The following NDST4 variants were observed in gnomAD, a reference collection of about 807,000 sequenced individuals.
NDST4 encodes the protein N-deacetylase and N-sulfotransferase 4, also known as N-heparan sulfate sulfotransferase 4.
Under a neutral mutation model 100.8 loss-of-function variants are expected in NDST4, and 63 were observed. That is an observed-to-expected ratio of 0.62 (90% CI 0.51 to 0.77). The LOEUF (loss-of-function observed/expected upper bound fraction) is 0.77, where lower values mean the gene tolerates loss of function less well. Ranked by LOEUF, NDST4 falls within the 30% of genes least tolerant of loss-of-function variation. The pLI, the probability that NDST4 is intolerant of heterozygous loss-of-function variation, is 0.00. For missense variants in NDST4, 943 were observed against 1,018.4 expected (o/e 0.93, Z 1.01); for synonymous variants, 377 against 361.8 (o/e 1.04, Z -0.48).
intron 2 of NDST4, among the ~76,000 whole-genome samples, chr4:114,995,654 T>G (rs1364292258): frequency 6.6e-6 from 1 of 152,132 alleles, no homozygotes; most frequent in Admixed American, 6.6e-5. Context: ...CAAAATGATC[T>G]TCCCAATTAT....
rs10555403 is a variant in NDST4, at chr4:114,927,216, TTGTGTGTGTG to T, written c.1536+7980_1536+7989del. On this transcript the variant is annotated intron_variant, in intron 6 of 13. Coordinates refer to ENST00000264363, the MANE Select transcript of NDST4 (RefSeq NM_022569.3). ...TTGTAGTATTTAAAATTAACTTGAT[TTGTGTGTGTG>T]TGTGTGTGTGTGTGTGTGTTTTACA... is the stretch of plus-strand genomic sequence containing the variant. 3.7e-3 allele frequency among the ~76,000 whole-genome samples: 541 copies of T among 147,994 alleles called. 4 individuals carry two copies. The highest frequency in any genetic ancestry group is 0.012 in the African/African-American group (491 of 40,902).
intron 7 of NDST4, among the ~76,000 whole-genome samples, chr4:114,867,976 G>A (rs1433119816): frequency 2.0e-5 from 3 of 152,090 alleles, no homozygotes; most frequent in Non-Finnish European, 4.4e-5. Context: ...TTTTTAATTA[G>A]GTGACAAAGC....
intron 2 of NDST4, 80 bp downstream of exon 2, chr4:115,075,979 A>C (rs1274766475): frequency 1.4e-6 from 2 of 1,464,100 alleles, no homozygotes; most frequent in Non-Finnish European, 1.8e-6. Context: ...TTAGGGATTA[A>C]TAATCTATCA....
chr4:114,975,845 G>A (rs1726621443), intron 3 of NDST4, among the ~76,000 whole-genome samples: 1 of 151,908 alleles, frequency 6.6e-6, no homozygotes, highest in African/African-American at 2.4e-5. Flanking sequence ...AGCTTCTTTG[G>A]TCTGAAATCA....
intron 7 of NDST4, among the ~76,000 whole-genome samples, chr4:114,860,380 AGC>A (rs1723893161): frequency 6.6e-6 from 1 of 152,060 alleles, no homozygotes; most frequent in South Asian, 2.1e-4. Context: ...TCCCCTATTT[AGC>A]TTATTATGCA....
chr4:115,104,660 A>G (rs1236089584), intron 1 of NDST4, among the ~76,000 whole-genome samples: 1 of 152,150 alleles, frequency 6.6e-6, no homozygotes, highest in Non-Finnish European at 1.5e-5. Flanking sequence ...TTTCAAGATC[A>G]TGATAAATCA....
Position 114,992,547 on chromosome 4 carries a change from T to G in NDST4, c.979-15273A>C, listed in dbSNP as rs561379771. ...TATATGGGTCTGCTTATAGGAAGGTTTTTTTTTTTTTTCAATAAATAAAGT... is the reference window on the plus strand; with the variant it reads ...TATATGGGTCTGCTTATAGGAAGGTGTTTTTTTTTTTTCAATAAATAAAGT... On this transcript the variant is annotated intron_variant, in intron 2 of 13. Transcript: ENST00000264363. 8.0e-4 allele frequency among the ~76,000 whole-genome samples: 110 copies of G among 137,968 alleles called. 1 individual carries two copies. The highest frequency in any genetic ancestry group is 5.9e-4 in the East Asian group (3 of 5,104). 90.5% of individuals were successfully genotyped at this position (137,968 alleles called of 152,430 possible). A position where few individuals can be genotyped will look rare whatever the true frequency, so the allele number is the denominator to read the frequency against.
At chr4:114,924,820 A>C (rs1725356875) in intron 6 of NDST4, among the ~76,000 whole-genome samples, 2 of 152,138 alleles carry the variant, frequency 1.3e-5, no homozygotes, top group African/African-American at 4.8e-5. Flanking sequence ...ATGTATTTCA[A>C]AATAGCTCAA....
chr4:115,087,475 C>T (rs1729431221), intron 1 of NDST4, among the ~76,000 whole-genome samples: 1 of 151,724 alleles, frequency 6.6e-6, no homozygotes, highest in Admixed American at 6.6e-5. Context: ...CTTCCCTTTC[C>T]TATTTCCCCT....
intron 6 of NDST4, among the ~76,000 whole-genome samples, chr4:114,932,387 T>C (rs1010483435): frequency 9.2e-5 from 14 of 151,958 alleles, no homozygotes; most frequent in African/African-American, 3.1e-4. Context: ...ACAGCTAATA[T>C]CATCTTTAGT....
At chr4:114,978,210 A>G (rs1036627945) in intron 2 of NDST4, among the ~76,000 whole-genome samples, 2 of 152,044 alleles carry the variant, frequency 1.3e-5, no homozygotes, top group Admixed American at 1.3e-4. Flanking sequence ...AGAGATATTA[A>G]TAATAAGACT....
chr4:115,051,378 C>A (rs1231077123), intron 2 of NDST4, among the ~76,000 whole-genome samples: 1 of 151,796 alleles, frequency 6.6e-6, no homozygotes, highest in African/African-American at 2.4e-5. Flanking sequence ...GTAGTAATAA[C>A]CACATTTACG....
chr4:114,840,182 T>C (rs1348853574), intron 10 of NDST4, among the ~76,000 whole-genome samples: 76 of 152,254 alleles, frequency 5.0e-4, no homozygotes, highest in Admixed American at 5.0e-3. Flanking sequence ...TTTGAAAGGG[T>C]TTCTATCTAA....
At chr4:114,931,896 T>C (rs1667336710) in intron 6 of NDST4, among the ~76,000 whole-genome samples, 2 of 151,796 alleles carry the variant, frequency 1.3e-5, no homozygotes, top group Admixed American at 1.3e-4. Context: ...GTGTCACTGA[T>C]GTATTTTATA....
At chr4:115,106,150 G>A (rs1239687938) in intron 1 of NDST4, among the ~76,000 whole-genome samples, 3 of 152,068 alleles carry the variant, frequency 2.0e-5, no homozygotes, top group Admixed American at 6.6e-5. Context: ...TTCACCATGG[G>A]GGAAGAGGAA....
In NDST4 at chr4:114,976,189, A is replaced by G. The variant is rs116480166; in HGVS notation, c.1066+998T>C. On this transcript the variant is annotated intron_variant, in intron 3 of 13. Transcript: ENST00000264363. ...AAGGTATTTATGAAAACTAAAGACT[A>G]CCTTTGAATAGAATATTTTAATAAG... Among the ~76,000 whole-genome samples, 1,358 of 152,210 alleles carry G rather than the reference A, an allele frequency of 8.9e-3. 19 individuals carry two copies. Among genetic ancestry groups the G allele is most frequent in the Admixed American group, 0.02 (306 of 15,272 alleles).
chr4:115,075,938 T>C (rs1729170433), intron 2 of NDST4, 121 bp downstream of exon 2: 1 of 1,200,742 alleles, frequency 8.3e-7, no homozygotes, highest in Non-Finnish European at 1.1e-6. Flanking sequence ...TAAATGGCTA[T>C]CTTATTTCAA....
chr4:114,976,798 G>A (rs1726644254), intron 3 of NDST4, among the ~76,000 whole-genome samples: 1 of 151,842 alleles, frequency 6.6e-6, no homozygotes, highest in East Asian at 1.9e-4. Context: ...AAAATAATAT[G>A]TACAAAAGTA....
At chr4:114,890,147 T>C (rs1293379883) in intron 6 of NDST4, among the ~76,000 whole-genome samples, 2 of 145,190 alleles carry the variant, frequency 1.4e-5, no homozygotes, top group Non-Finnish European at 2.9e-5. Flanking sequence ...ACAATGGAAA[T>C]TGTTAGTAGT....
Sources: allele counts gnomAD v4.1 joint callset (sites outside exome capture counted in the v4.1 genomes callset), GRCh38; gene constraint gnomAD v4.1.1; transcripts MANE v1.5; gene names NCBI Gene and HGNC (gene_info 2026-07-23, HGNC 2026-07-21).